DDX27: variants seen among roughly 807,000 people sequenced by gnomAD.
DDX27 encodes the protein probable ATP-dependent RNA helicase DDX27.
A neutral mutation model predicts 99.3 loss-of-function variants in DDX27; 42 were observed. That is an observed-to-expected ratio of 0.42 (90% CI 0.33 to 0.55). DDX27 has a LOEUF of 0.55. Among genes scored for constraint, DDX27 ranks in the 20% least tolerant of loss-of-function variants. DDX27 has a pLI of 0.07. For missense variants in DDX27, 798 were observed against 976.8 expected, an observed-to-expected ratio of 0.82 and a Z score of 2.44; for synonymous variants, 329 against 353.8, an observed-to-expected ratio of 0.93 and a Z score of 0.79.
intron 1 of DDX27, among the ~76,000 whole-genome samples, chr20:49,220,659 C>T (rs1034661423): frequency 1.3e-5 from 2 of 152,202 alleles, no homozygotes; most frequent in African/African-American, 4.8e-5. Flanking sequence ...CCCTCTCGGA[C>T]AGGCCTTGGC....
chr20:49,225,322 T>G (rs1979842904), intron 6 of DDX27, 123 bp downstream of exon 6: 1 of 832,512 alleles, frequency 1.2e-6, no homozygotes, highest in African/African-American at 1.7e-5. Flanking sequence ...TGCTGGGATT[T>G]GAGCCACTGT....
chr20:49,230,164 C>A, intron 8 of DDX27, 35 bp from the exon 9 acceptor site: 1 of 1,583,462 alleles, frequency 6.3e-7, no homozygotes, highest in Non-Finnish European at 8.6e-7. Context: ...GAGCAGCTGA[C>A]CTGGCCGCCT....
At chr20:49,219,626 C>A in intron 1 of DDX27, 85 bp downstream of exon 1, 1 of 1,367,972 alleles carries the variant, frequency 7.3e-7, no homozygotes, top group Non-Finnish European at 9.8e-7. Context: ...GAATCCTCAT[C>A]ATCCCCTGCC....
chr20:49,219,645 A>G, intron 1 of DDX27, 104 bp downstream of exon 1: 1 of 1,261,236 alleles, frequency 7.9e-7, no homozygotes, highest in African/African-American at 1.5e-5. Flanking sequence ...CCAGCCCCGG[A>G]AGTTTCCCGA....
rs1979678834 is a variant in DDX27 at position 49,221,433 on chromosome 20, T to C, written c.94-19T>C. 6.2e-7 allele frequency: 1 copy of C among 1,612,656 alleles called. No individual in the cohort carries two copies. The highest frequency in any genetic ancestry group is 8.5e-7 in the Non-Finnish European group (1 of 1,179,810). On this transcript the variant is annotated intron_variant, in intron 1 of 20. Transcript: ENST00000618172. ...CTTTATCTCAGCCCCAAAGTCACTC[T>C]GTCTCTTACTCTTCCCAGGGGCCCA... is the stretch of plus-strand genomic sequence containing the variant.
chr20:49,221,710 T>A (rs974353981), intron 2 of DDX27, 112 bp downstream of exon 2: 8 of 844,372 alleles, frequency 9.5e-6, no homozygotes, highest in Non-Finnish European at 1.4e-5. Flanking sequence ...CAGCAGATAC[T>A]ACAACTCCTT....
At chr20:49,235,226 C>T (rs1980263509) in intron 12 of DDX27, 138 bp downstream of exon 12, 4 of 985,424 alleles carry the variant, frequency 4.1e-6, no homozygotes, top group East Asian at 5.6e-5. Context: ...AACATTTTAA[C>T]CTAACCACTG....
chr20:49,234,822 G>A (rs1445048081), intron 11 of DDX27, 113 bp from the exon 12 acceptor site: 1 of 1,296,030 alleles, frequency 7.7e-7, no homozygotes, highest in Non-Finnish European at 1.0e-6. Flanking sequence ...GACAGGGACA[G>A]TGCCTGTCTA....
At chr20:49,233,134 A>G (rs919075144) in intron 9 of DDX27, among the ~76,000 whole-genome samples, 172 bp from the exon 10 acceptor site, 1 of 152,234 alleles carries the variant, frequency 6.6e-6, no homozygotes, top group African/African-American at 2.4e-5. Flanking sequence ...CCACAAAAAG[A>G]CAAAGCAAAT....
Position 49,219,530 on chromosome 20 carries a change from G to A in DDX27, c.82G>A (p.Glu28Lys). 1.9e-6 allele frequency: 3 copies of A among 1,613,748 alleles called. No individual in the cohort carries two copies. Among genetic ancestry groups the A allele is most frequent in the Non-Finnish European group, 2.5e-6 (3 of 1,179,840 alleles). Residue 28 changes from glutamate to lysine, a missense_variant, in exon 1 of 21, where the codon GAG (glutamate) becomes AAG (lysine). Glu to Lys is a moderately conservative substitution (Grantham distance 56, BLOSUM62 1). Transcript: ENST00000618172. ...PVEPESDSGD[E>K]EEEGPIVLGR... ...GGAGCCCGAGTCTGACTCCGGGGAC[G>A]AGGAAGAGGAGGTATGAGCACGGTT...
At chr20:49,239,837 G>A (rs971223711) in intron 16 of DDX27, among the ~76,000 whole-genome samples, 1 of 152,090 alleles carries the variant, frequency 6.6e-6, no homozygotes, top group East Asian at 1.9e-4. Context: ...ACAAGTGAAT[G>A]GATAAACAAA....
intron 7 of DDX27, among the ~76,000 whole-genome samples, chr20:49,227,391 G>A (rs1222235702): frequency 2.6e-5 from 4 of 152,050 alleles, no homozygotes; most frequent in Non-Finnish European, 5.9e-5. Flanking sequence ...TTTTGAGATG[G>A]AGTCTCACTC....
chr20:49,225,899 C>T (rs1290271301), intron 6 of DDX27, among the ~76,000 whole-genome samples: 3 of 152,142 alleles, frequency 2.0e-5, no homozygotes, highest in Non-Finnish European at 2.9e-5. Context: ...TCTCTGACGA[C>T]ACCTCCTGGC....
chr20:49,228,663 C>G, intron 7 of DDX27, 52 bp from the exon 8 acceptor site: 1 of 1,508,082 alleles, frequency 6.6e-7, no homozygotes, highest in Non-Finnish European at 9.0e-7. Flanking sequence ...AAACCTAACC[C>G]TGGAGGGAGC....
Position 49,228,770 on chromosome 20 carries a change from C to G in DDX27, c.762C>G (p.Arg254=). ...PVLERLIYKP[R]QAPVTRVLVL... ...TGGAGCGTCTGATTTATAAACCCCG[C>G]CAGGCTCCAGTCACCCGCGTGCTGG... The change falls in exon 8 of 21, where the codon CGC becomes CGG. Residue 254 remains arginine (R), a synonymous_variant. Coordinates refer to ENST00000618172, the MANE Select transcript of DDX27 (RefSeq NM_017895.8). 6.2e-7 allele frequency: 1 copy of G among 1,613,088 alleles called. No homozygotes were observed. Among genetic ancestry groups the G allele is most frequent in the Non-Finnish European group, 8.5e-7 (1 of 1,179,436 alleles).
chr20:49,240,070 A>G (rs1980428898), intron 16 of DDX27, among the ~76,000 whole-genome samples: 1 of 152,182 alleles, frequency 6.6e-6, no homozygotes, highest in African/African-American at 2.4e-5. Flanking sequence ...AAGGGGGGTT[A>G]TAGGAAATTA....
At chr20:49,231,033 GACACAGCCTGGCC>G (rs1433288443) in intron 9 of DDX27, 1 of 152,356 alleles carries the variant, frequency 6.6e-6, no homozygotes, top group Non-Finnish European at 1.5e-5. Flanking sequence ...CCCGCCTGTC[GACACAGCCTGGCC>G]ACACGCCCCC....
At position 49,221,579 on chromosome 20, in the gene DDX27, T is replaced by A; in HGVS notation, c.221T>A (p.Met74Lys). ...GGCAGCTGGGCCCTGGCTGATGTCA[T>A]GAGCCAACTCAAGAAGAAGGTGAGA... ...YDGSWALADV[M>K]SQLKKKRAAT... The change falls in exon 2 of 21, where the codon ATG (methionine) becomes AAG (lysine). Residue 74 changes from methionine to lysine, a missense_variant. Met to Lys is a moderately conservative substitution (Grantham distance 95, BLOSUM62 -1). Coordinates refer to ENST00000618172, the MANE Select transcript of DDX27 (RefSeq NM_017895.8). 1 of 1,606,168 alleles carries A rather than the reference T, an allele frequency of 6.2e-7. No individual in the cohort carries two copies. Among genetic ancestry groups the A allele is most frequent in the Non-Finnish European group, 8.5e-7 (1 of 1,175,948 alleles).
chr20:49,227,029 AT>A (rs1302647196), intron 7 of DDX27, among the ~76,000 whole-genome samples: 1 of 148,492 alleles, frequency 6.7e-6, no homozygotes, highest in Non-Finnish European at 1.5e-5. Context: ...CGCCCGGCTA[AT>A]TTTTTGTATT....
Sources: allele counts gnomAD v4.1 joint callset (sites outside exome capture counted in the v4.1 genomes callset), GRCh38; gene constraint gnomAD v4.1.1; transcripts MANE v1.5; gene names NCBI Gene and HGNC (gene_info 2026-07-23, HGNC 2026-07-21).